The following COL15A1 variants were observed in gnomAD, a reference collection of about 807,000 sequenced individuals.
COL15A1 encodes collagen type XV alpha 1 chain, also known as collagen alpha-1(XV) chain.
COL15A1 carries 111 observed loss-of-function variants against 165.9 expected under a neutral mutation model. That is an observed-to-expected ratio of 0.67 (90% CI 0.57 to 0.78). COL15A1 has a LOEUF of 0.78. COL15A1 is among the 30% of genes least tolerant of loss of function. The pLI, the probability that COL15A1 is intolerant of heterozygous loss-of-function variation, is 0.00. For missense variants in COL15A1, 1,745 were observed against 1,789.7 expected, an observed-to-expected ratio of 0.98 and a Z score of 0.45; for synonymous variants, 659 against 674.8, an observed-to-expected ratio of 0.98 and a Z score of 0.36.
At chr9:99,025,992 C>G (rs747721430) in intron 16 of COL15A1, 26 bp downstream of exon 16, 1 of 1,595,006 alleles carries the variant, frequency 6.3e-7, no homozygotes, top group East Asian at 2.2e-5. Context: ...GAGGGTCCCA[C>G]CACATGGGAG....
At chr9:99,038,319 A>G (rs1287564754) in intron 21 of COL15A1, among the ~76,000 whole-genome samples, 1 of 152,228 alleles carries the variant, frequency 6.6e-6, no homozygotes, top group African/African-American at 2.4e-5. Flanking sequence ...TTGAGGAGTA[A>G]TACAGCCTGA....
At chr9:98,992,894 G>A (rs1838468474) in intron 5 of COL15A1, among the ~76,000 whole-genome samples, 1 of 152,180 alleles carries the variant, frequency 6.6e-6, no homozygotes, top group Non-Finnish European at 1.5e-5. Context: ...GCCAAGGGGG[G>A]CTATGAAATC....
At chr9:99,022,295 T>C (rs1454260272) in intron 13 of COL15A1, 145 bp downstream of exon 13, 17 of 909,744 alleles carry the variant, frequency 1.9e-5, no homozygotes, top group Non-Finnish European at 2.8e-5. Flanking sequence ...ACTAGGACTC[T>C]GCAGTGTGCA....
intron 16 of COL15A1, among the ~76,000 whole-genome samples, chr9:99,030,475 ACAAGTTAATCTACTCG>A (rs1839199721): frequency 6.6e-6 from 1 of 152,090 alleles, no homozygotes; most frequent in South Asian, 2.1e-4. Context: ...TCTTCTACCC[ACAAGTTAATCTACTCG>A]TGTTCCAAGC....
chr9:98,954,066 C>T (rs186259592), intron 2 of COL15A1, among the ~76,000 whole-genome samples: 7 of 152,302 alleles, frequency 4.6e-5, no homozygotes, highest in Non-Finnish European at 7.3e-5. Context: ...AGAGACAGTG[C>T]GCAGAAGCTG....
At chr9:98,968,087 G>T (rs189147630) in intron 2 of COL15A1, among the ~76,000 whole-genome samples, 23 of 152,300 alleles carry the variant, frequency 1.5e-4, no homozygotes, top group Middle Eastern at 3.4e-3. Flanking sequence ...TCCAAAACCT[G>T]GCCCAGCCAC....
chr9:98,962,412 C>G (rs780892408), intron 2 of COL15A1, among the ~76,000 whole-genome samples: 2 of 152,252 alleles, frequency 1.3e-5, no homozygotes, highest in South Asian at 2.1e-4. Flanking sequence ...CACTAGCATG[C>G]GAAGAGCCAC....
In COL15A1 at chr9:99,003,512, A is replaced by G. The variant is rs1162919476; in HGVS notation, c.1125A>G (p.Ala375=). Residue 375 remains alanine, a synonymous_variant, in exon 8 of 42, where the codon GCA becomes GCG. Transcript: ENST00000375001. ...AEVPISTAGE[A]EASSVPTGGP... Reference sequence around the variant, plus strand: ...TGCCCATCAGCACTGCTGGAGAAGCAGAGGCCAGCAGTGTGCCCACCGGGG... The same window carrying G: ...TGCCCATCAGCACTGCTGGAGAAGCGGAGGCCAGCAGTGTGCCCACCGGGG... 6 of 1,569,228 alleles carry G rather than the reference A, an allele frequency of 3.8e-6. No homozygotes were observed. The highest frequency in any genetic ancestry group is 5.2e-6 in the Non-Finnish European group (6 of 1,157,860).
At chr9:99,059,467 T>C (rs1462706260) in intron 35 of COL15A1, among the ~76,000 whole-genome samples, 1 of 152,194 alleles carries the variant, frequency 6.6e-6, no homozygotes, top group Non-Finnish European at 1.5e-5. Context: ...CTCCTCCCAC[T>C]CCCTAGAGCC....
intron 6 of COL15A1, among the ~76,000 whole-genome samples, chr9:98,997,608 C>T (rs1336587622): frequency 2.0e-5 from 3 of 152,242 alleles, no homozygotes; most frequent in African/African-American, 7.2e-5. Flanking sequence ...CAGCTAAACT[C>T]CTGTGTGGCA....
chr9:98,974,478 T>C (rs1392204682), intron 2 of COL15A1, among the ~76,000 whole-genome samples: 6 of 152,132 alleles, frequency 3.9e-5, no homozygotes, highest in Non-Finnish European at 8.8e-5. Flanking sequence ...CCCTCCCAAC[T>C]TGCTGGCAGG....
At position 99,012,408 on chromosome 9, in the gene COL15A1, C is replaced by G. The variant is rs957180813; in HGVS notation, c.1354-3009C>G. ...ACACATTGTCCTGCAGAAACAATAA[C>G]AAAAATAAATGTCTGGATGCAAACA... On this transcript the variant is annotated intron_variant, in intron 9 of 41. Coordinates refer to ENST00000375001, the MANE Select transcript of COL15A1 (RefSeq NM_001855.5). Among the ~76,000 whole-genome samples, 3 of 152,214 alleles carry G rather than the reference C, an allele frequency of 2.0e-5. No individual in the cohort carries two copies. In the East Asian group the frequency reaches 5.8e-4, roughly 29 times the overall value.
intron 2 of COL15A1, among the ~76,000 whole-genome samples, chr9:98,959,235 A>AAC (rs1451031219): frequency 1.3e-5 from 2 of 151,364 alleles, no homozygotes; most frequent in African/African-American, 4.9e-5. Flanking sequence ...TACAAAAAAA[A>AAC]AAAAAAAAAA....
At chr9:98,966,656 G>C (rs911881978) in intron 2 of COL15A1, among the ~76,000 whole-genome samples, 7 of 152,174 alleles carry the variant, frequency 4.6e-5, no homozygotes, top group African/African-American at 1.7e-4. Flanking sequence ...GTGTTTAAGA[G>C]AGTCACTCTC....
Position 98,989,259 on chromosome 9 carries a change from G to T in COL15A1, c.804+1G>T. The T allele has an allele frequency of 1.2e-6, 2 of 1,611,638 alleles. No homozygotes were observed. The highest frequency in any genetic ancestry group is 1.7e-6 in the Non-Finnish European group (2 of 1,177,760). On this transcript the variant is annotated splice_donor_variant, in intron 5 of 41. Transcript: ENST00000375001. LOFTEE classifies it high-confidence loss of function. ...AGCCGTCACCTACACTCAAGCCTCG[G>T]TGAGTACTGGGATGCTGTGCCATGT...
At chr9:99,025,846 G>A (rs373147685) in intron 15 of COL15A1, 58 bp from the exon 16 acceptor site, 228 of 1,562,768 alleles carry the variant, frequency 1.5e-4, no homozygotes, top group African/African-American at 2.2e-4. Flanking sequence ...TCTAGCAAGC[G>A]TGTGTATGTG....
At chr9:98,994,577 T>A (rs1838512095) in intron 5 of COL15A1, among the ~76,000 whole-genome samples, 1 of 152,166 alleles carries the variant, frequency 6.6e-6, no homozygotes, top group Non-Finnish European at 1.5e-5. Flanking sequence ...CTGGGGATCC[T>A]CCATCACCTG....
chr9:99,059,999 A>G, intron 36 of COL15A1, 46 bp downstream of exon 36: 1 of 1,599,536 alleles, frequency 6.3e-7, no homozygotes, highest in Non-Finnish European at 8.5e-7. Flanking sequence ...TTTGGGATAG[A>G]TATACTTAAA....
In COL15A1 at chr9:99,003,566, C is replaced by G. The variant is rs146003906; in HGVS notation, c.1179C>G (p.Asn393Lys). Residue 393 changes from asparagine (N) to lysine (K), a missense_variant, in exon 8 of 42, where the codon AAC (asparagine) becomes AAG (lysine). Asn to Lys is a moderately conservative substitution (Grantham distance 94). Transcript: ENST00000375001. ...GGPTLSMSTE[N>K]PEEGVTPGPD... ...CAACCCTCTCTATGTCCACGGAGAA[C>G]CCAGAGGAAGGGGTCACTCCAGTAA... 3.7e-5 allele frequency: 57 copies of G among 1,542,782 alleles called. No individual in the cohort carries two copies. The highest frequency in any genetic ancestry group is 4.8e-5 in the Non-Finnish European group (55 of 1,143,952).
Sources: allele counts gnomAD v4.1 joint callset (sites outside exome capture counted in the v4.1 genomes callset), GRCh38; gene constraint gnomAD v4.1.1; transcripts MANE v1.5; gene names NCBI Gene and HGNC (gene_info 2026-07-23, HGNC 2026-07-21).